GALNT13: variants seen among roughly 807,000 people sequenced by gnomAD.
GALNT13 encodes the protein UDP-GalNAc:polypeptide N-acetylgalactosaminyltransferase 13.
In GALNT13, 28 loss-of-function variants were observed where a neutral mutation model predicts 64.2. The observed-to-expected ratio is 0.44, with a 90% confidence interval of 0.32 to 0.60. GALNT13 has a LOEUF of 0.60. Among genes scored for constraint, GALNT13 ranks in the 20% least tolerant of loss-of-function variants. The pLI, the probability that GALNT13 is intolerant of heterozygous loss-of-function variation, is 0.05. For synonymous variants in GALNT13, 214 were observed against 224.6 expected (o/e 0.95, Z 0.42); for missense variants, 577 against 669.8 (o/e 0.86, Z 1.53).
At chr2:154,226,609 A>T (rs909295993) in intron 4 of GALNT13, among the ~76,000 whole-genome samples, 1 of 152,088 alleles carries the variant, frequency 6.6e-6, no homozygotes, top group African/African-American at 2.4e-5. Flanking sequence ...CAGCAATTAA[A>T]CCTTGCGATT....
chr2:153,493,664 AC>A, the GALNT13 span, among the ~76,000 whole-genome samples: 3 of 151,936 alleles, frequency 2.0e-5, no homozygotes, highest in African/African-American at 7.2e-5. Context: ...TTAATAGAAA[AC>A]CTGACAAAGA....
chr2:153,116,043 A>G, the GALNT13 span, among the ~76,000 whole-genome samples: 2 of 152,158 alleles, frequency 1.3e-5, no homozygotes, highest in African/African-American at 4.8e-5. Flanking sequence ...GGTTAAATTA[A>G]AAGTGTGGTT....
chr2:154,067,516 G>A (rs1700529823), intron 3 of GALNT13, among the ~76,000 whole-genome samples: 1 of 145,756 alleles, frequency 6.9e-6, no homozygotes, highest in Non-Finnish European at 1.6e-5. Context: ...GAGATTTCAA[G>A]ACAAAACTAT....
chr2:153,842,203 A>G, the GALNT13 span, among the ~76,000 whole-genome samples: 9 of 152,306 alleles, frequency 5.9e-5, no homozygotes, highest in Non-Finnish European at 1.0e-4. Flanking sequence ...GAATATGATG[A>G]AAAGGAAGTA....
intron 2 of GALNT13, among the ~76,000 whole-genome samples, chr2:153,929,481 C>T (rs77289764): frequency 2.0e-5 from 3 of 152,112 alleles, no homozygotes; most frequent in Admixed American, 2.0e-4. Context: ...GGTAGTTTTT[C>T]AGTACTTAAC....
the GALNT13 span, among the ~76,000 whole-genome samples, chr2:153,461,351 AAAG>A: frequency 1.3e-5 from 2 of 152,160 alleles, no homozygotes; most frequent in African/African-American, 4.8e-5. Context: ...ACCAGAGAGA[AAAG>A]AAGAGTTAAA....
the GALNT13 span, among the ~76,000 whole-genome samples, chr2:153,095,947 A>C: frequency 1.7e-3 from 264 of 152,294 alleles, no homozygotes; most frequent in Non-Finnish European, 2.6e-3. Flanking sequence ...ATGATGAGTT[A>C]ATGGGTGCAG....
intron 3 of GALNT13, among the ~76,000 whole-genome samples, chr2:154,042,614 C>T (rs1699040999): frequency 1.0e-5 from 1 of 97,246 alleles, no homozygotes; most frequent in African/African-American, 2.7e-5. Context: ...TTTCTGTCTC[C>T]CCTCAAATAA....
At chr2:153,309,652 T>C in the GALNT13 span, among the ~76,000 whole-genome samples, 1 of 152,150 alleles carries the variant, frequency 6.6e-6, no homozygotes, top group African/African-American at 2.4e-5. Flanking sequence ...AAGTTTCATC[T>C]CTGAGACCTC....
the GALNT13 span, among the ~76,000 whole-genome samples, chr2:153,256,774 G>A: frequency 2.6e-5 from 4 of 152,190 alleles, no homozygotes; most frequent in African/African-American, 9.6e-5. Context: ...GGGGGTCAAG[G>A]GTCAGGGACC....
At chr2:153,218,308 A>G in the GALNT13 span, among the ~76,000 whole-genome samples, 2 of 152,222 alleles carry the variant, frequency 1.3e-5, no homozygotes, top group Non-Finnish European at 2.9e-5. Flanking sequence ...TAGTTTAAGC[A>G]GACAATATTA....
the GALNT13 span, among the ~76,000 whole-genome samples, chr2:153,082,608 TATATATATATAC>T: frequency 1.0e-3 from 46 of 44,920 alleles, no homozygotes; most frequent in African/African-American, 1.4e-3. Context: ...TATATATATA[TATATATATATAC>T]ACACACACAC....
intron 9 of GALNT13, among the ~76,000 whole-genome samples, chr2:154,330,135 C>A (rs1356647004): frequency 6.6e-6 from 1 of 152,092 alleles, no homozygotes; most frequent in African/African-American, 2.4e-5. Flanking sequence ...ATGCACCCAT[C>A]CTCAAAGCAA....
the GALNT13 span, among the ~76,000 whole-genome samples, chr2:153,572,431 C>T: frequency 6.7e-6 from 1 of 149,326 alleles, no homozygotes; most frequent in Non-Finnish European, 1.5e-5. Context: ...TTTGTACTTT[C>T]AATTTTATTT....
chr2:154,133,534 TTATATATATATATATATATATATATATA>T lies in GALNT13; in HGVS notation c.143-6779_143-6752del, dbSNP rs201083794. On this transcript the variant is annotated intron_variant, in intron 3 of 12. Transcript: ENST00000392825. ...TTTTTCAGTAACATAACAGACCATT[TTATATATATATATATATATATATATATA>T]TATATATATATATATATATATATCT... is the stretch of plus-strand genomic sequence containing the variant. Among the ~76,000 whole-genome samples, 418 of 77,296 alleles carry T rather than the reference TTATATATATATATATATATATATATATA, an allele frequency of 5.4e-3. 11 individuals are homozygous for T. Among genetic ancestry groups the T allele is most frequent in the South Asian group, 0.042 (112 of 2,696 alleles). 50.7% of individuals were successfully genotyped at this position (77,296 alleles called of 152,430 possible).
At chr2:154,110,226 G>A (rs935476035) in intron 3 of GALNT13, among the ~76,000 whole-genome samples, 2 of 137,550 alleles carry the variant, frequency 1.5e-5, no homozygotes, top group Non-Finnish European at 3.1e-5. Context: ...CCAAAGGTTT[G>A]GGGGAGCAGG....
chr2:154,090,064 T>C (rs1309165307), intron 3 of GALNT13, among the ~76,000 whole-genome samples: 1 of 152,004 alleles, frequency 6.6e-6, no homozygotes, highest in Non-Finnish European at 1.5e-5. Flanking sequence ...ACTGGAAAAA[T>C]GTAAACAATA....
At chr2:154,394,864 TA>T (rs1350838132) in intron 9 of GALNT13, among the ~76,000 whole-genome samples, 1 of 152,210 alleles carries the variant, frequency 6.6e-6, no homozygotes, top group African/African-American at 2.4e-5. Context: ...TGCTTTCTAA[TA>T]ACACTATGGC....
chr2:154,412,040 T>C (rs1181681237), intron 11 of GALNT13, among the ~76,000 whole-genome samples: 2 of 151,826 alleles, frequency 1.3e-5, no homozygotes, highest in African/African-American at 2.4e-5. Context: ...TTACTTGTTA[T>C]TTCTATTGAT....
Sources: allele counts gnomAD v4.1 joint callset (sites outside exome capture counted in the v4.1 genomes callset), GRCh38; gene constraint gnomAD v4.1.1; transcripts MANE v1.5; gene names NCBI Gene and HGNC (gene_info 2026-07-23, HGNC 2026-07-21).